The following GRM7 variants were observed in gnomAD, a reference collection of about 807,000 sequenced individuals.
GRM7 encodes the protein metabotropic glutamate receptor 7.
A neutral mutation model predicts 84.5 loss-of-function variants in GRM7; 35 were observed. That is an observed-to-expected ratio of 0.41 (90% confidence interval 0.32 to 0.55). The LOEUF (loss-of-function observed/expected upper bound fraction) is 0.55, where lower values mean the gene tolerates loss of function less well. Ranked by LOEUF, GRM7 falls within the 20% of genes least tolerant of loss-of-function variation. The pLI is 0.19. For synonymous variants in GRM7, 487 were observed against 455.1 expected, an observed-to-expected ratio of 1.07 and a Z score of -0.89; for missense variants, 1,003 against 1,194.6, an observed-to-expected ratio of 0.84 and a Z score of 2.36.
At chr3:7,071,871 C>G (rs1398560127) in intron 1 of GRM7, among the ~76,000 whole-genome samples, 1 of 151,974 alleles carries the variant, frequency 6.6e-6, no homozygotes, top group Non-Finnish European at 1.5e-5. Flanking sequence ...TAAACCTATA[C>G]CAGTATTATT....
At chr3:7,458,709 C>G (rs997424430) in intron 6 of GRM7, among the ~76,000 whole-genome samples, 2 of 152,200 alleles carry the variant, frequency 1.3e-5, no homozygotes, top group African/African-American at 4.8e-5. Flanking sequence ...TTGAGTTCCT[C>G]TGGAGCCCCA....
chr3:7,251,153 T>C (rs1697969598), intron 2 of GRM7, among the ~76,000 whole-genome samples: 2 of 152,174 alleles, frequency 1.3e-5, no homozygotes, highest in African/African-American at 4.8e-5. Flanking sequence ...GGTGAATGAA[T>C]ATTACGTGAT....
intron 8 of GRM7, among the ~76,000 whole-genome samples, chr3:7,605,096 A>G (rs1387983564): frequency 1.3e-5 from 2 of 152,166 alleles, no homozygotes; most frequent in Non-Finnish European, 2.9e-5. Flanking sequence ...TTTTGATTAA[A>G]AAGAAATCTG....
intron 1 of GRM7, among the ~76,000 whole-genome samples, chr3:6,975,900 C>A (rs1438961709): frequency 6.6e-6 from 1 of 152,098 alleles, no homozygotes; most frequent in Non-Finnish European, 1.5e-5. Context: ...AAAATGACCT[C>A]AGTCACAGAA....
chr3:7,229,114 G>T (rs1575057796), intron 2 of GRM7, among the ~76,000 whole-genome samples: 1 of 151,620 alleles, frequency 6.6e-6, no homozygotes, highest in African/African-American at 2.4e-5. Flanking sequence ...ATTAGAAGGG[G>T]TTACTTAATC....
chr3:7,020,226 C>A lies in GRM7; in HGVS notation c.520-126226C>A, dbSNP rs192239736. Among the ~76,000 whole-genome samples, 147 of 152,326 alleles carry A rather than the reference C, an allele frequency of 9.7e-4. No homozygotes were observed. In the Middle Eastern group the frequency reaches 0.014, roughly 14 times the overall value. On this transcript the variant is annotated intron_variant, in intron 1 of 9. Coordinates refer to ENST00000357716, the MANE Select transcript of GRM7 (RefSeq NM_000844.4). ...TATGTTAAAAGGTAGGTTGAAAATG[C>A]ATATGACTAAGCGAAAGAAGCCAAA...
chr3:7,227,601 A>G (rs1474573391), intron 2 of GRM7, among the ~76,000 whole-genome samples: 2 of 152,216 alleles, frequency 1.3e-5, no homozygotes, highest in African/African-American at 4.8e-5. Flanking sequence ...TATTACTGTT[A>G]AAATGAAATG....
At chr3:7,512,270 G>C (rs1201974379) in intron 7 of GRM7, among the ~76,000 whole-genome samples, 1 of 152,158 alleles carries the variant, frequency 6.6e-6, no homozygotes, top group Non-Finnish European at 1.5e-5. Flanking sequence ...ATGCTAAGCA[G>C]AATGAGGAGA....
intron 9 of GRM7, among the ~76,000 whole-genome samples, chr3:7,727,114 A>C (rs1352915527): frequency 6.6e-6 from 1 of 152,194 alleles, no homozygotes; most frequent in African/African-American, 2.4e-5. Context: ...AAATATTATT[A>C]ACAATATAGC....
At chr3:7,568,255 A>G (rs895416791) in intron 7 of GRM7, among the ~76,000 whole-genome samples, 2 of 151,758 alleles carry the variant, frequency 1.3e-5, no homozygotes, top group African/African-American at 4.8e-5. Context: ...AGAATTAAAG[A>G]CAAGATGTAT....
At chr3:7,454,002 T>G (rs1423838434) in intron 6 of GRM7, among the ~76,000 whole-genome samples, 1 of 151,850 alleles carries the variant, frequency 6.6e-6, no homozygotes, top group Non-Finnish European at 1.5e-5. Flanking sequence ...AAAGAGAAAT[T>G]GTTTTCTGAG....
chr3:7,415,152 G>T lies in GRM7; in HGVS notation c.1163G>T (p.Arg388Leu), dbSNP rs1025403472. The change falls in exon 5 of 10, where the codon CGC becomes CTC. Residue 388 changes from arginine to leucine, a missense_variant. Physicochemically the swap from Arg to Leu is moderately radical, Grantham distance 102. Coordinates refer to ENST00000357716, the MANE Select transcript of GRM7 (RefSeq NM_000844.4). ...GGGTCAAAAAAAGAAGACACAGATC[G>T]CAAATGCACAGGTAATTTAATTCTC... Reference protein sequence around the residue: ...ISGSKKEDTDRKCTGQERIGK... With the variant: ...ISGSKKEDTDLKCTGQERIGK... 6.2e-7 allele frequency: 1 copy of T among 1,612,634 alleles called. No homozygotes were observed. Among genetic ancestry groups the T allele is most frequent in the East Asian group, 2.2e-5 (1 of 44,828 alleles).
intron 1 of GRM7, among the ~76,000 whole-genome samples, chr3:6,985,714 G>A (rs557816294): frequency 2.0e-4 from 31 of 152,270 alleles, no homozygotes; most frequent in Admixed American, 7.8e-4. Flanking sequence ...TGGTGCTGAG[G>A]TAGTAAGAAA....
chr3:7,482,601 A>T (rs771840693), intron 7 of GRM7, among the ~76,000 whole-genome samples: 2 of 152,188 alleles, frequency 1.3e-5, no homozygotes, highest in Admixed American at 6.5e-5. Context: ...AGGCTATAAG[A>T]TATAAAGGAG....
At chr3:7,363,103 T>C (rs1055389030) in intron 4 of GRM7, among the ~76,000 whole-genome samples, 4 of 152,034 alleles carry the variant, frequency 2.6e-5, no homozygotes, top group African/African-American at 7.2e-5. Context: ...CAACCTGGGC[T>C]ATAGAGTAAG....
intron 8 of GRM7, among the ~76,000 whole-genome samples, chr3:7,624,868 A>G (rs1697533212): frequency 6.6e-6 from 1 of 152,182 alleles, no homozygotes; most frequent in African/African-American, 2.4e-5. Flanking sequence ...AAGGAAAGCA[A>G]AGCTTTAGAA....
chr3:7,398,308 A>G (rs1288915689), intron 4 of GRM7, among the ~76,000 whole-genome samples: 1 of 152,192 alleles, frequency 6.6e-6, no homozygotes, highest in Non-Finnish European at 1.5e-5. Flanking sequence ...CATGAAACGA[A>G]AGGTTTGAAA....
At chr3:7,315,141 C>A (rs932578888) in intron 4 of GRM7, among the ~76,000 whole-genome samples, 8 of 152,132 alleles carry the variant, frequency 5.3e-5, no homozygotes, top group African/African-American at 1.9e-4. Flanking sequence ...AAAACACTCC[C>A]AGTCTTTGCT....
At chr3:7,262,387 T>G (rs1275779164) in intron 2 of GRM7, among the ~76,000 whole-genome samples, 1 of 152,170 alleles carries the variant, frequency 6.6e-6, no homozygotes, top group Non-Finnish European at 1.5e-5. Context: ...GCTTGGTCTA[T>G]TCTGTTGTTA....
Sources: gnomAD v4.1 joint callset for allele counts (sites outside exome capture counted in the v4.1 genomes callset) on GRCh38, gnomAD v4.1.1 for gene constraint, MANE v1.5 for transcripts, NCBI Gene and HGNC (gene_info 2026-07-23, HGNC 2026-07-21) for gene names.